Variants in ANXA8 observed in about 807,000 individuals in gnomAD.
The protein encoded by ANXA8 is VAC-beta.
ANXA8 carries 9 observed loss-of-function variants against 26.8 expected under a neutral mutation model. The ratio of observed to expected loss-of-function variants is 0.34; its 90% confidence interval spans 0.20 to 0.59. ANXA8 has a LOEUF of 0.59. ANXA8 is among the 20% of genes least tolerant of loss of function. The probability of loss-of-function intolerance (pLI) is 0.84; values close to 1 mark genes in which losing one functional copy is unlikely to be tolerated. For missense variants in ANXA8, 83 were observed against 238.5 expected (o/e 0.35, Z 4.29); for synonymous variants, 39 against 94.8 (o/e 0.41, Z 3.42).
the ANXA8 span, among the ~76,000 whole-genome samples, chr10:47,683,786 T>G: frequency 6.6e-6 from 1 of 151,190 alleles, no homozygotes; most frequent in African/African-American, 2.4e-5. Flanking sequence ...GGCTTCTTTG[T>G]CATTTGATGC....
chr10:47,720,615 T>A, the ANXA8 span, among the ~76,000 whole-genome samples: 27 of 143,026 alleles, frequency 1.9e-4, 5 homozygotes, highest in African/African-American at 7.0e-4. Flanking sequence ...AAATTACATG[T>A]GTTTACAAAA....
the ANXA8 span, among the ~76,000 whole-genome samples, chr10:47,693,473 G>A: frequency 1.3e-5 from 2 of 151,032 alleles, no homozygotes; most frequent in Non-Finnish European, 2.9e-5. Context: ...TGTATTTTTA[G>A]TAGAGACAGG....
the ANXA8 span, among the ~76,000 whole-genome samples, chr10:47,521,827 C>T: frequency 6.6e-6 from 1 of 151,172 alleles, no homozygotes; most frequent in Non-Finnish European, 1.5e-5. Flanking sequence ...GTCACCCAGC[C>T]TGGAGTGCAT....
At chr10:47,572,796 T>C in the ANXA8 span, among the ~76,000 whole-genome samples, 1 of 150,202 alleles carries the variant, frequency 6.7e-6, no homozygotes, top group Non-Finnish European at 1.5e-5. Flanking sequence ...TCCCAATACA[T>C]TAGTTTTGTA....
the ANXA8 span, among the ~76,000 whole-genome samples, chr10:47,746,597 G>T: frequency 9.4e-6 from 1 of 105,990 alleles, no homozygotes; most frequent in Non-Finnish European, 2.0e-5. Flanking sequence ...AGAATCACTT[G>T]AACCTGGGAG....
At chr10:47,665,600 A>G in the ANXA8 span, among the ~76,000 whole-genome samples, 105 of 147,974 alleles carry the variant, frequency 7.1e-4, 2 homozygotes, top group African/African-American at 2.5e-3. Context: ...ACCAGAATAC[A>G]AAGATGAAGA....
the ANXA8 span, among the ~76,000 whole-genome samples, chr10:47,704,667 T>G: frequency 2.6e-5 from 4 of 151,826 alleles, no homozygotes; most frequent in Non-Finnish European, 5.9e-5. Context: ...TTATCAGAAA[T>G]AATGTGAAAA....
At chr10:47,595,428 A>T in the ANXA8 span, among the ~76,000 whole-genome samples, 2 of 148,362 alleles carry the variant, frequency 1.3e-5, no homozygotes, top group African/African-American at 5.2e-5. Context: ...CCTTGAACAT[A>T]AATGGCCTAA....
At chr10:47,740,314 C>T in the ANXA8 span, among the ~76,000 whole-genome samples, 9 of 148,162 alleles carry the variant, frequency 6.1e-5, no homozygotes, top group Non-Finnish European at 1.2e-4. Context: ...AGTAGGATGC[C>T]TGACTCAAAT....
At chr10:47,976,562 C>A in the ANXA8 span, among the ~76,000 whole-genome samples, 4 of 146,470 alleles carry the variant, frequency 2.7e-5, no homozygotes, top group South Asian at 6.6e-4. Flanking sequence ...CACACACACA[C>A]ACACACACAC....
At chr10:47,953,837 A>G in the ANXA8 span, among the ~76,000 whole-genome samples, 2 of 150,760 alleles carry the variant, frequency 1.3e-5, no homozygotes, top group African/African-American at 2.5e-5. Context: ...CAAAACTACA[A>G]TGGGATCTCA....
chr10:47,577,828 T>C, the ANXA8 span, among the ~76,000 whole-genome samples: 3 of 31,158 alleles, frequency 9.6e-5, no homozygotes, highest in Non-Finnish European at 1.5e-4. Flanking sequence ...GGAGAAACCC[T>C]GTCTCTACTA....
the ANXA8 span, among the ~76,000 whole-genome samples, chr10:47,655,611 C>T: frequency 7.2e-5 from 11 of 151,780 alleles, no homozygotes; most frequent in Admixed American, 1.3e-4. Context: ...GAAGATTGAA[C>T]GGGAGGAGCA....
chr10:47,733,191 T>TCTCTCTC, the ANXA8 span, among the ~76,000 whole-genome samples: 1 of 106,476 alleles, frequency 9.4e-6, no homozygotes, highest in African/African-American at 3.3e-5. Flanking sequence ...CTTTCTTTCT[T>TCTCTCTC]TCTTTCTTTC....
At chr10:47,624,158 C>T in the ANXA8 span, among the ~76,000 whole-genome samples, 1 of 98,268 alleles carries the variant, frequency 1.0e-5, no homozygotes, top group African/African-American at 4.1e-5. Context: ...AGGAGAATGG[C>T]GTGAACCCAG....
At chr10:47,484,431 G>A (rs1329871690), upstream of ANXA8, 4,292 of 1,146,582 alleles carry the variant, frequency 3.7e-3, 67 homozygotes, top group Middle Eastern at 4.8e-3. Context: ...TTAATCAACT[G>A]CATATGCAAT....
At chr10:47,489,203 A>G in the ANXA8 span, among the ~76,000 whole-genome samples, 1 of 137,294 alleles carries the variant, frequency 7.3e-6, no homozygotes, top group Non-Finnish European at 1.6e-5. Flanking sequence ...TATTTTTAGT[A>G]GAGACGGGGT....
chr10:47,540,486 T>C, the ANXA8 span, among the ~76,000 whole-genome samples: 37 of 123,526 alleles, frequency 3.0e-4, 3 homozygotes, highest in Non-Finnish European at 3.7e-4. Context: ...AGTTAGGGTT[T>C]TATAGATCTT....
the ANXA8 span, chr10:47,501,972 T>G: frequency 8.5e-7 from 1 of 1,173,036 alleles, no homozygotes; most frequent in Non-Finnish European, 1.2e-6. Flanking sequence ...CTGAAAATGC[T>G]ATTACTAGCT....
Sources: allele counts gnomAD v4.1 joint callset (sites outside exome capture counted in the v4.1 genomes callset), GRCh38; gene constraint gnomAD v4.1.1; transcripts MANE v1.5; gene names NCBI Gene and HGNC (gene_info 2026-07-23, HGNC 2026-07-21).